The following CLEC3B variants were observed in gnomAD, a reference collection of about 807,000 sequenced individuals.
CLEC3B encodes the protein C-type lectin domain family 3 member B, also known as tetranectin.
A neutral mutation model predicts 15.4 loss-of-function variants in CLEC3B; 13 were observed. The observed-to-expected ratio is 0.84, with a 90% confidence interval of 0.55 to 1.34. The LOEUF (loss-of-function observed/expected upper bound fraction) is 1.34, where lower values mean the gene tolerates loss of function less well. Among genes scored for constraint, CLEC3B ranks in the 40% most tolerant of loss-of-function variants. CLEC3B has a pLI of 0.00. For missense variants in CLEC3B, 242 were observed against 268.6 expected (o/e 0.90, Z 0.69); for synonymous variants, 112 against 114.7 (o/e 0.98, Z 0.15).
Position 45,035,555 on chromosome 3 carries a change from A to G in CLEC3B, c.240A>G (p.Lys80=), listed in dbSNP as rs370105397. Residue 80 remains lysine (K), a synonymous_variant, in exon 3 of 3, where the codon AAA becomes AAG. Coordinates refer to ENST00000296130, the MANE Select transcript of CLEC3B (RefSeq NM_003278.3). The part of the protein sequence containing the change: ...VCLKGTKVHM[K]CFLAFTQTKT... ...TGAAGGGGACCAAGGTGCACATGAA[A>G]TGCTTTCTGGCCTTCACCCAGACGA... is the stretch of plus-strand genomic sequence containing the variant. 1 of 1,611,238 alleles carries G rather than the reference A, an allele frequency of 6.2e-7. No individual in the cohort carries two copies. The highest frequency in any genetic ancestry group is 8.5e-7 in the Non-Finnish European group (1 of 1,178,150).
intron 1 of CLEC3B, chr3:45,030,131 G>A (rs754882149): frequency 7.7e-5 from 76 of 982,174 alleles, no homozygotes; most frequent in Admixed American, 1.2e-4. Context: ...CATGTAGAAC[G>A]GCTTAGCCCA....
intron 1 of CLEC3B, among the ~76,000 whole-genome samples, chr3:45,028,133 G>T (rs1009966204): frequency 6.6e-6 from 1 of 152,158 alleles, no homozygotes; most frequent in African/African-American, 2.4e-5. Flanking sequence ...CACTTATAGA[G>T]CTCTTTCTCC....
At chr3:45,028,561 A>AT (rs1697514946) in intron 1 of CLEC3B, among the ~76,000 whole-genome samples, 1 of 152,226 alleles carries the variant, frequency 6.6e-6, no homozygotes, top group Non-Finnish European at 1.5e-5. Flanking sequence ...CTCCGTCTCA[A>AT]AAATAAATCA....
chr3:45,030,305 C>A, intron 1 of CLEC3B: 1 of 845,946 alleles, frequency 1.2e-6, no homozygotes, highest in Non-Finnish European at 1.4e-6. Context: ...CTGTCATCAT[C>A]CACTTCATAC....
intron 1 of CLEC3B, among the ~76,000 whole-genome samples, chr3:45,029,148 C>G (rs1181433048): frequency 9.0e-6 from 1 of 111,180 alleles, no homozygotes; most frequent in African/African-American, 3.9e-5. Context: ...ACAGCTTCCT[C>G]AGGTGGAGCT....
chr3:45,034,971 C>T (rs1697617111), intron 2 of CLEC3B, among the ~76,000 whole-genome samples: 1 of 152,158 alleles, frequency 6.6e-6, no homozygotes, highest in Non-Finnish European at 1.5e-5. Flanking sequence ...CCTGGCCCTG[C>T]AAGCTGCTTG....
chr3:45,031,675 C>G (rs1293502854), intron 2 of CLEC3B, among the ~76,000 whole-genome samples: 2 of 152,174 alleles, frequency 1.3e-5, no homozygotes, highest in African/African-American at 4.8e-5. Flanking sequence ...AAGGTCATGC[C>G]CTCTGGCCAG....
chr3:45,033,203 G>A (rs1486431453), intron 2 of CLEC3B, among the ~76,000 whole-genome samples: 1 of 152,178 alleles, frequency 6.6e-6, no homozygotes, highest in Non-Finnish European at 1.5e-5. Context: ...GCTCTGTGCT[G>A]TGCAAAGTCA....
intron 2 of CLEC3B, among the ~76,000 whole-genome samples, chr3:45,031,832 ATGTGAG>A (rs1697561616): frequency 6.7e-6 from 1 of 149,028 alleles, no homozygotes; most frequent in South Asian, 2.2e-4. Flanking sequence ...GACTATTTAC[ATGTGAG>A]CCCACTACAT....
intron 2 of CLEC3B, among the ~76,000 whole-genome samples, chr3:45,031,288 C>G (rs1697550105): frequency 6.6e-6 from 1 of 152,204 alleles, no homozygotes; most frequent in Admixed American, 6.5e-5. Context: ...TAGCAAAGCT[C>G]CCAGGAGCCC....
At chr3:45,032,861 C>A (rs1046025534) in intron 2 of CLEC3B, among the ~76,000 whole-genome samples, 2 of 152,136 alleles carry the variant, frequency 1.3e-5, no homozygotes, top group African/African-American at 4.8e-5. Flanking sequence ...GATGGCTGCC[C>A]CAACTCCAGG....
intron 1 of CLEC3B, among the ~76,000 whole-genome samples, chr3:45,027,943 A>T (rs1576041396): frequency 1.3e-5 from 2 of 152,202 alleles, no homozygotes; most frequent in East Asian, 3.8e-4. Flanking sequence ...TGTTAAAAAA[A>T]AAAGGGTCAG....
intron 1 of CLEC3B, 119 bp downstream of exon 1, chr3:45,026,590 T>C: frequency 1.2e-6 from 1 of 862,822 alleles, no homozygotes. Flanking sequence ...GGAACTTGAG[T>C]AAAGTGGGCT....
Position 45,030,890 on chromosome 3 carries a change from TGGCCCTGCTGAAGGAGCAGCA to T in CLEC3B, c.182_202del (p.Leu61_Leu67del). ...CGTCTGGACACCCTGGCCCAGGAGG[TGGCCCTGCTGAAGGAGCAGCA>T]GGCCCTGCAGACGGGTGAGTGCAGG... is the stretch of plus-strand genomic sequence containing the variant. On this transcript the variant is annotated inframe_deletion, in exon 2 of 3. Coordinates refer to ENST00000296130, the MANE Select transcript of CLEC3B (RefSeq NM_003278.3). 4.4e-6 allele frequency: 7 copies of T among 1,590,684 alleles called. No individual in the cohort carries two copies. Among genetic ancestry groups the T allele is most frequent in the Non-Finnish European group, 6.0e-6 (7 of 1,168,474 alleles).
intron 2 of CLEC3B, 61 bp downstream of exon 2, chr3:45,030,986 G>A: frequency 8.5e-7 from 1 of 1,170,944 alleles, no homozygotes; most frequent in East Asian, 2.6e-5. Context: ...CAGGCCAGCA[G>A]CCAGCAATGC....
At chr3:45,028,431 G>C (rs892560463) in intron 1 of CLEC3B, among the ~76,000 whole-genome samples, 6 of 152,116 alleles carry the variant, frequency 3.9e-5, no homozygotes, top group African/African-American at 1.4e-4. Flanking sequence ...TGGTGTACAC[G>C]TGTAGTCCCA....
Position 45,030,344 on chromosome 3 carries a change from G to A in CLEC3B, c.110-483G>A, listed in dbSNP as rs370385866. On this transcript the variant is annotated intron_variant, in intron 1 of 2. Coordinates refer to ENST00000296130, the MANE Select transcript of CLEC3B (RefSeq NM_003278.3). ...AGGGAACCAAATCCAGAGAGGCTGA[G>A]CAGCTCGCCCAGGCCACCCGTGTCT... is the stretch of plus-strand genomic sequence containing the variant. 2.5e-5 allele frequency: 14 copies of A among 553,340 alleles called. No homozygotes were observed. In the African/African-American group the frequency reaches 2.7e-4, roughly 11 times the overall value. The allele number at this position is 553,340 out of a possible 1,614,324, so 34.3% of individuals were successfully genotyped here.
intron 2 of CLEC3B, among the ~76,000 whole-genome samples, chr3:45,034,768 C>T (rs1697614166): frequency 6.6e-6 from 1 of 152,236 alleles, no homozygotes; most frequent in African/African-American, 2.4e-5. Flanking sequence ...TGACCACAGC[C>T]TGTGCCCAGC....
chr3:45,027,487 G>T (rs1219393453), intron 1 of CLEC3B, among the ~76,000 whole-genome samples: 6 of 152,166 alleles, frequency 3.9e-5, no homozygotes, highest in Non-Finnish European at 8.8e-5. Flanking sequence ...AGTGAAAAAA[G>T]AAACATTCAA....
Sources: allele counts gnomAD v4.1 joint callset (sites outside exome capture counted in the v4.1 genomes callset), GRCh38; gene constraint gnomAD v4.1.1; transcripts MANE v1.5; gene names NCBI Gene and HGNC (gene_info 2026-07-23, HGNC 2026-07-21).